UTP18: variants seen among roughly 807,000 people sequenced by gnomAD.
The protein encoded by UTP18 is U3 small nucleolar RNA-associated protein 18 homolog.
In UTP18, 36 loss-of-function variants were observed where a neutral mutation model predicts 61.1. That is an observed-to-expected ratio of 0.59 (90% CI 0.45 to 0.78). The LOEUF is 0.78. Ranked by LOEUF, UTP18 falls within the 30% of genes least tolerant of loss-of-function variation. UTP18 has a pLI of 0.00. For synonymous variants in UTP18, 282 were observed against 251.1 expected, an observed-to-expected ratio of 1.12 and a Z score of -1.16; for missense variants, 753 against 693.9, an observed-to-expected ratio of 1.09 and a Z score of -0.96.
rs1174681932 is a variant in UTP18 at position 51,282,345 on chromosome 17, C to T, written c.1204+1866C>T. Reference sequence around the variant, plus strand: ...CATTAATTTTTGTTTTGTTTTTGTCCTAGAATCAGACTTTCACAAGGTTAT... The same window carrying T: ...CATTAATTTTTGTTTTGTTTTTGTCTTAGAATCAGACTTTCACAAGGTTAT... On this transcript the variant is annotated intron_variant, in intron 9 of 13. Coordinates refer to ENST00000225298, the MANE Select transcript of UTP18 (RefSeq NM_016001.3). Among the ~76,000 whole-genome samples the T allele has an allele frequency of 5.3e-5, 8 of 151,574 alleles. No homozygotes were observed. In the South Asian group the frequency reaches 8.3e-4, roughly 16 times the overall value.
In UTP18 at chr17:51,285,181, C is replaced by G. The variant is rs1905064571; in HGVS notation, c.1205-64C>G. On this transcript the variant is annotated intron_variant, in intron 9 of 13. Transcript: ENST00000225298. ...ACTGTTAAGAGGGACTGAGAGTGGC[C>G]AGTTTACTTGCCTTTCAAGTTTAAA... The G allele has an allele frequency of 1.9e-6, 3 of 1,594,296 alleles. No homozygotes were observed. The South Asian group carries it at 3.4e-5, about 18-fold the overall frequency.
chr17:51,268,153 G>A (rs1172931662), intron 3 of UTP18, among the ~76,000 whole-genome samples: 1 of 152,008 alleles, frequency 6.6e-6, no homozygotes, highest in Non-Finnish European at 1.5e-5. Flanking sequence ...GGGACTACCA[G>A]TAGATGGGAC....
At chr17:51,282,520 GGAAGGAAAGAAA>G (rs1457881535) in intron 9 of UTP18, among the ~76,000 whole-genome samples, 4 of 151,492 alleles carry the variant, frequency 2.6e-5, no homozygotes, top group African/African-American at 4.9e-5. Flanking sequence ...AAGGAAGGAA[GGAAGGAAAGAAA>G]GAAAGAAAGA....
intron 11 of UTP18, 47 bp from the exon 12 acceptor site, chr17:51,293,856 T>C (rs781241293): frequency 2.3e-5 from 32 of 1,416,620 alleles, no homozygotes; most frequent in Middle Eastern, 4.5e-4. Flanking sequence ...TTAAGAAACA[T>C]GAGCTCCCAG....
chr17:51,297,367 A>G (rs1197674022), intron 13 of UTP18, among the ~76,000 whole-genome samples: 1 of 152,174 alleles, frequency 6.6e-6, no homozygotes, highest in Non-Finnish European at 1.5e-5. Context: ...CTCTTATTAT[A>G]TATATGTTTC....
chr17:51,294,463 C>T (rs546015364), intron 12 of UTP18, among the ~76,000 whole-genome samples: 1 of 151,036 alleles, frequency 6.6e-6, no homozygotes, highest in East Asian at 2.0e-4. Flanking sequence ...GGTTTTTTGC[C>T]CTTGTGATAG....
chr17:51,263,151 C>T (rs2055524603), intron 1 of UTP18, 123 bp from the exon 2 acceptor site: 8 of 749,800 alleles, frequency 1.1e-5, no homozygotes, highest in Non-Finnish European at 1.8e-5. Context: ...AGCATTCCAT[C>T]CCATTATTTC....
At chr17:51,297,562 G>C (rs1018459910) in intron 13 of UTP18, among the ~76,000 whole-genome samples, 1 of 152,158 alleles carries the variant, frequency 6.6e-6, no homozygotes, top group Non-Finnish European at 1.5e-5. Context: ...TGACTGTTTG[G>C]TCTCCTCAGA....
At chr17:51,291,100 A>G (rs1016431768) in intron 11 of UTP18, among the ~76,000 whole-genome samples, 1 of 152,226 alleles carries the variant, frequency 6.6e-6, no homozygotes, top group African/African-American at 2.4e-5. Flanking sequence ...CGTGATAGAA[A>G]TGGTATTAGA....
intron 9 of UTP18, among the ~76,000 whole-genome samples, chr17:51,284,258 T>A (rs1300274291): frequency 6.6e-6 from 1 of 152,164 alleles, no homozygotes; most frequent in Non-Finnish European, 1.5e-5. Flanking sequence ...TAGAGCAATA[T>A]CCTGCAAGGA....
At chr17:51,265,499 G>C (rs1478537682) in intron 2 of UTP18, among the ~76,000 whole-genome samples, 2 of 149,968 alleles carry the variant, frequency 1.3e-5, no homozygotes, top group African/African-American at 2.5e-5. Context: ...CCGACCTTCA[G>C]TGATCCGCCT....
chr17:51,280,800 G>A (rs1024501264), intron 9 of UTP18, among the ~76,000 whole-genome samples: 2 of 151,650 alleles, frequency 1.3e-5, no homozygotes, highest in Non-Finnish European at 2.9e-5. Flanking sequence ...GGGACAGAAC[G>A]AGACTCCATC....
intron 5 of UTP18, among the ~76,000 whole-genome samples, chr17:51,273,869 C>T (rs1904624256): frequency 6.6e-6 from 1 of 152,150 alleles, no homozygotes; most frequent in African/African-American, 2.4e-5. Flanking sequence ...TGGCATATTG[C>T]AGTAGCTTTG....
At chr17:51,287,364 A>C (rs1181259249) in intron 10 of UTP18, among the ~76,000 whole-genome samples, 1 of 152,204 alleles carries the variant, frequency 6.6e-6, no homozygotes, top group East Asian at 1.9e-4. Context: ...ATGAGCCTTG[A>C]GGTCACTGCA....
chr17:51,270,259 T>C (rs2318788), intron 4 of UTP18, among the ~76,000 whole-genome samples: 97,088 of 152,022 alleles, frequency 0.64, 31,685 homozygotes, highest in African/African-American at 0.78. Flanking sequence ...TTGAAACATA[T>C]AGATTATCTT....
Position 51,262,610 on chromosome 17 carries a change from CT to C in UTP18, c.343-661del, listed in dbSNP as rs201744084. 9.9e-3 allele frequency among the ~76,000 whole-genome samples: 1,508 copies of C among 152,242 alleles called. 15 individuals are homozygous for C. Among genetic ancestry groups the C allele is most frequent in the Middle Eastern group, 0.017 (5 of 294 alleles). On this transcript the variant is annotated intron_variant, in intron 1 of 13. Coordinates refer to ENST00000225298, the MANE Select transcript of UTP18 (RefSeq NM_016001.3). The stretch of plus-strand genomic sequence containing the variant: ...TTACACCTGCACAATTCTCCGAACA[CT>C]TTAAACTCAGAAGTCAGCTTCATCC...
At chr17:51,285,474 A>C in intron 10 of UTP18, 106 bp downstream of exon 10, 1 of 1,344,994 alleles carries the variant, frequency 7.4e-7, no homozygotes, top group Non-Finnish European at 1.0e-6. Flanking sequence ...TTTATAAACT[A>C]TTCAGTAATA....
Position 51,280,068 on chromosome 17 carries a change from A to G in UTP18, c.1076A>G (p.Asn359Ser). The G allele has an allele frequency of 6.2e-7, 1 of 1,613,976 alleles. No individual in the cohort carries two copies. The change falls in exon 8 of 14, where the codon AAT becomes AGT. Residue 359 changes from asparagine to serine, a missense_variant. By Grantham distance (46) the Asn-to-Ser change is conservative. Transcript: ENST00000225298. ...VSPDGSFLLI[N>S]GIAGYLHLLA... is the part of the protein sequence containing the mutation. The stretch of plus-strand genomic sequence containing the variant: ...CCAGATGGGTCCTTCTTGCTCATAA[A>G]TGGCATTGCTGGATATTTGCATTTG...
At chr17:51,268,282 T>C (rs975294897) in intron 3 of UTP18, among the ~76,000 whole-genome samples, 14 of 152,212 alleles carry the variant, frequency 9.2e-5, no homozygotes, top group Non-Finnish European at 1.8e-4. Context: ...CGCCTTGGCC[T>C]CCCAAAGTGC....
Sources: allele counts gnomAD v4.1 joint callset (sites outside exome capture counted in the v4.1 genomes callset), GRCh38; gene constraint gnomAD v4.1.1; transcripts MANE v1.5; gene names NCBI Gene and HGNC (gene_info 2026-07-23, HGNC 2026-07-21).